Variants in GUCA1B observed in about 807,000 individuals in gnomAD.
GUCA1B encodes guanylyl cyclase-activating protein 2.
Under a neutral mutation model 24.2 loss-of-function variants are expected in GUCA1B, and 22 were observed. The observed-to-expected ratio is 0.91, with a 90% CI of 0.65 to 1.30. GUCA1B has a LOEUF of 1.30. Among genes scored for constraint, GUCA1B ranks in the 50% most tolerant of loss-of-function variants. GUCA1B has a pLI of 0.00. For missense variants in GUCA1B, 221 were observed against 258.8 expected, an observed-to-expected ratio of 0.85 and a Z score of 1.00; for synonymous variants, 100 against 97.9, an observed-to-expected ratio of 1.02 and a Z score of -0.13.
chr6:42,186,263 G>A (rs977858637), intron 2 of GUCA1B, among the ~76,000 whole-genome samples: 8 of 152,170 alleles, frequency 5.3e-5, no homozygotes, highest in Admixed American at 1.3e-4. Flanking sequence ...TTTCTCCTTT[G>A]CCCTGTTTCC....
At chr6:42,188,306 G>GTGTGTGTC (rs1290609217) in intron 2 of GUCA1B, among the ~76,000 whole-genome samples, 6 of 105,712 alleles carry the variant, frequency 5.7e-5, no homozygotes, top group African/African-American at 2.3e-4. Context: ...GTGTGTGTGT[G>GTGTGTGTC]TGTGTGTGTG....
At chr6:42,187,418 C>CCTTTTT (rs1554187028) in intron 2 of GUCA1B, among the ~76,000 whole-genome samples, 17,269 of 128,586 alleles carry the variant, frequency 0.13, 1,324 homozygotes, top group African/African-American at 0.17. Flanking sequence ...GTTTATTTTA[C>CCTTTTT]TTTTTTTTTT....
chr6:42,194,671 G>T lies in GUCA1B; in HGVS notation c.150C>A (p.Asp50Glu). Reference sequence around the variant, plus strand: ...CTACATACTGGGAGGCCTCCTCATCGTCTGTGACCTTGAAGAAGCGCTTAA... The same window carrying T: ...CTACATACTGGGAGGCCTCCTCATCTTCTGTGACCTTGAAGAAGCGCTTAA... ...HEFKRFFKVTDDEEASQYVEG... is the reference protein window; with the variant it reads ...HEFKRFFKVTEDEEASQYVEG... The change falls in exon 1 of 4, where the codon GAC becomes GAA. Residue 50 changes from aspartate to glutamate, a missense_variant. By Grantham distance (45) the Asp-to-Glu change is conservative (BLOSUM62 2). Transcript: ENST00000230361. 1 of 1,613,820 alleles carries T rather than the reference G, an allele frequency of 6.2e-7. No individual in the cohort carries two copies. Among genetic ancestry groups the T allele is most frequent in the Non-Finnish European group, 8.5e-7 (1 of 1,179,734 alleles).
chr6:42,186,807 TCCTAG>T (rs1768200973), intron 2 of GUCA1B, among the ~76,000 whole-genome samples: 1 of 152,094 alleles, frequency 6.6e-6, no homozygotes, highest in Non-Finnish European at 1.5e-5. Context: ...CCCCAGCACT[TCCTAG>T]GTAGACTAAT....
At position 42,184,248 on chromosome 6, in the gene GUCA1B, C is replaced by G. The variant is rs1265267805; in HGVS notation, c.*567G>C. On this transcript the variant is annotated 3_prime_UTR_variant, in exon 4 of 4. Transcript: ENST00000230361. ...GGGACTACAGGCGCCCGCCACCTCA[C>G]CCGGCTGATTTTTTGTATTTTTAGT... is the stretch of plus-strand genomic sequence containing the variant. Among the ~76,000 whole-genome samples the G allele has an allele frequency of 6.6e-6, 1 of 152,194 alleles. No homozygotes were observed. Among genetic ancestry groups the G allele is most frequent in the Non-Finnish European group, 1.5e-5 (1 of 68,032 alleles).
In GUCA1B at chr6:42,194,707, A is replaced by T. The variant is rs1342630142; in HGVS notation, c.114T>A (p.Phe38Leu). 2 of 1,613,434 alleles carry T rather than the reference A, an allele frequency of 1.2e-6. No individual in the cohort carries two copies. The highest frequency in any genetic ancestry group is 3.3e-5 in the Admixed American group (2 of 60,010). Residue 38 changes from phenylalanine (F) to leucine (L), a missense_variant, in exon 1 of 4, where the codon TTT becomes TTA. By Grantham distance (22) the Phe-to-Leu change is conservative. Transcript: ENST00000230361. The stretch of plus-strand genomic sequence containing the variant: ...TGAAGAAGCGCTTAAACTCATGCAT[A>T]AAGAGTGTGCCGCTGGGGCACTCCA... Reference protein sequence around the residue: ...FVMECPSGTLFMHEFKRFFKV... With the variant: ...FVMECPSGTLLMHEFKRFFKV...
chr6:42,186,978 A>G (rs1768203575), intron 2 of GUCA1B, among the ~76,000 whole-genome samples: 1 of 152,230 alleles, frequency 6.6e-6, no homozygotes, highest in South Asian at 2.1e-4. Flanking sequence ...ATTCTTGCTA[A>G]TAGAGAATGA....
rs200394928 is a variant in GUCA1B, at chr6:42,194,634, G to A, written c.187C>T (p.Arg63Ter). The A allele has an allele frequency of 2.5e-4, 410 of 1,612,256 alleles. 1 individual carries two copies. Among genetic ancestry groups the A allele is most frequent in the Non-Finnish European group, 3.3e-4 (389 of 1,178,318 alleles). The change falls in exon 1 of 4, where the codon CGA becomes TGA. Residue 63 changes from arginine (R) to a stop codon, truncating the protein, a stop_gained. Transcript: ENST00000230361. LOFTEE classifies it high-confidence loss of function. ...EASQYVEGMFRAFDKNGDNTI... is the reference protein window; with the variant it reads ...EASQYVEGMF ...CTTACCCCATTCTTGTCGAAGGCTC[G>A]GAACATGCCCTCTACATACTGGGAG...
chr6:42,194,671 G>C lies in GUCA1B; in HGVS notation c.150C>G (p.Asp50Glu), dbSNP rs142428974. The change falls in exon 1 of 4, where the codon GAC becomes GAG. Residue 50 changes from aspartate to glutamate, a missense_variant. Transcript: ENST00000230361. ...HEFKRFFKVT[D>E]DEEASQYVEG... ...CTACATACTGGGAGGCCTCCTCATCGTCTGTGACCTTGAAGAAGCGCTTAA... is the reference window on the plus strand; with the variant it reads ...CTACATACTGGGAGGCCTCCTCATCCTCTGTGACCTTGAAGAAGCGCTTAA... The C allele has an allele frequency of 6.2e-7, 1 of 1,613,702 alleles. No individual in the cohort carries two copies. The highest frequency in any genetic ancestry group is 8.5e-7 in the Non-Finnish European group (1 of 1,179,742).
chr6:42,191,798 G>A (rs556273089), intron 1 of GUCA1B, among the ~76,000 whole-genome samples: 4 of 152,220 alleles, frequency 2.6e-5, no homozygotes, highest in African/African-American at 7.2e-5. Flanking sequence ...AGTTAACTAC[G>A]CCAGTGATGG....
At position 42,185,811 on chromosome 6, in the gene GUCA1B, C is replaced by T. The variant is rs778629326; in HGVS notation, c.358-14G>A. On this transcript the variant is annotated splice_polypyrimidine_tract_variant and intron_variant, in intron 2 of 3. Coordinates refer to ENST00000230361, the MANE Select transcript of GUCA1B (RefSeq NM_002098.6). ...CTGGTAAATTCCCTGCCAAAGAAAACTCAGCTGCATTGACGGGAGACCCTG... is the reference window on the plus strand; with the variant it reads ...CTGGTAAATTCCCTGCCAAAGAAAATTCAGCTGCATTGACGGGAGACCCTG... 3 of 1,531,956 alleles carry T rather than the reference C, an allele frequency of 2.0e-6. No individual in the cohort carries two copies. The highest frequency in any genetic ancestry group is 1.7e-4 in the Middle Eastern group (1 of 5,924). 94.9% of individuals were successfully genotyped at this position (1,531,956 alleles called of 1,614,324 possible). A position where few individuals can be genotyped will look rare whatever the true frequency, so the allele number is the denominator to read the frequency against.
At chr6:42,192,131 G>A (rs1441381157) in intron 1 of GUCA1B, among the ~76,000 whole-genome samples, 2 of 151,096 alleles carry the variant, frequency 1.3e-5, no homozygotes, top group African/African-American at 4.9e-5. Context: ...CGAGGCGGGT[G>A]GATCATGAAG....
At chr6:42,191,276 C>T (rs1221043428) in intron 1 of GUCA1B, among the ~76,000 whole-genome samples, 3 of 152,118 alleles carry the variant, frequency 2.0e-5, no homozygotes, top group Non-Finnish European at 4.4e-5. Context: ...TCTTCCATTC[C>T]AGGCGGTCAT....
At chr6:42,193,582 G>A (rs1050631906) in intron 1 of GUCA1B, among the ~76,000 whole-genome samples, 10 of 152,180 alleles carry the variant, frequency 6.6e-5, no homozygotes, top group African/African-American at 2.2e-4. Context: ...GAGGCGGAGC[G>A]CTGAGAAGTC....
rs1284298952 is a variant in GUCA1B at position 42,183,836 on chromosome 6, T to C, written c.*979A>G. 6.6e-6 allele frequency among the ~76,000 whole-genome samples: 1 copy of C among 151,988 alleles called. No homozygotes were observed. The highest frequency in any genetic ancestry group is 1.5e-5 in the Non-Finnish European group (1 of 67,974). ...AAAGAGAGGATTGTTGGGGGAGTGG[T>C]GGGTTGGCAGCAGGGGGTCCCAGAG... is the stretch of plus-strand genomic sequence containing the variant. On this transcript the variant is annotated 3_prime_UTR_variant, in exon 4 of 4. Transcript: ENST00000230361.
At position 42,184,692 on chromosome 6, in the gene GUCA1B, G is replaced by T; in HGVS notation, c.*123C>A. 1 of 1,032,988 alleles carries T rather than the reference G, an allele frequency of 9.7e-7. No individual in the cohort carries two copies. The highest frequency in any genetic ancestry group is 1.5e-6 in the Non-Finnish European group (1 of 662,120). The allele number at this position is 1,032,988 out of a possible 1,614,324, so 64.0% of individuals were successfully genotyped here. The stretch of plus-strand genomic sequence containing the variant: ...CCCTTCCCCATCCCCACTCAGCCCT[G>T]CACAGGGGGTGCCAGGAAGTCAACA... On this transcript the variant is annotated 3_prime_UTR_variant, in exon 4 of 4. Transcript: ENST00000230361.
intron 1 of GUCA1B, among the ~76,000 whole-genome samples, chr6:42,193,581 C>A (rs1768346243): frequency 6.6e-6 from 1 of 152,158 alleles, no homozygotes; most frequent in Non-Finnish European, 1.5e-5. Flanking sequence ...AGAGGCGGAG[C>A]GCTGAGAAGT....
rs1768183561 is a variant in GUCA1B, at chr6:42,185,802, C to T, written c.358-5G>A. On this transcript the variant is annotated splice_region_variant and splice_polypyrimidine_tract_variant and intron_variant, in intron 2 of 3. Transcript: ENST00000230361. Reference sequence around the variant, plus strand: ...TTTCTTCAGCTGGTAAATTCCCTGCCAAAGAAAACTCAGCTGCATTGACGG... The same window carrying T: ...TTTCTTCAGCTGGTAAATTCCCTGCTAAAGAAAACTCAGCTGCATTGACGG... 1 of 1,577,214 alleles carries T rather than the reference C, an allele frequency of 6.3e-7. No homozygotes were observed. The highest frequency in any genetic ancestry group is 8.7e-7 in the Non-Finnish European group (1 of 1,146,928).
At chr6:42,192,371 AAAAAAAAAAGAGAG>A in intron 1 of GUCA1B, among the ~76,000 whole-genome samples, 2 of 38,652 alleles carry the variant, frequency 5.2e-5, no homozygotes, top group Admixed American at 3.0e-4. Flanking sequence ...AAAAAAAAAA[AAAAAAAAAAGAGAG>A]AAAAGAAAAG....
Sources: allele counts gnomAD v4.1 joint callset (sites outside exome capture counted in the v4.1 genomes callset), GRCh38; gene constraint gnomAD v4.1.1; transcripts MANE v1.5; gene names NCBI Gene and HGNC (gene_info 2026-07-23, HGNC 2026-07-21).